PCED1B: variants seen among roughly 807,000 people sequenced by gnomAD.
The protein encoded by PCED1B is PC-esterase domain containing 1B.
For missense variants in PCED1B, 573 were observed against 573.9 expected, an observed-to-expected ratio of 1.00 and a Z score of 0.02; for synonymous variants, 251 against 246.1, an observed-to-expected ratio of 1.02 and a Z score of -0.19.
At chr12:47,211,047 G>A (rs1328683224) in intron 2 of PCED1B, among the ~76,000 whole-genome samples, 5 of 152,076 alleles carry the variant, frequency 3.3e-5, no homozygotes, top group African/African-American at 1.2e-4. Context: ...TACTTTTCAT[G>A]GCGCTATTTT....
intron 2 of PCED1B, among the ~76,000 whole-genome samples, chr12:47,107,650 G>T (rs549920756): frequency 6.6e-6 from 1 of 152,326 alleles, no homozygotes; most frequent in Non-Finnish European, 1.5e-5. Flanking sequence ...GGCAGACGGG[G>T]CTGGCAGTGA....
chr12:47,089,321 C>T (rs1395130789), intron 1 of PCED1B, among the ~76,000 whole-genome samples: 2 of 151,066 alleles, frequency 1.3e-5, no homozygotes, highest in Admixed American at 6.6e-5. Context: ...GTGACGGGCA[C>T]CTGTAGTCCC....
At chr12:47,111,334 G>A (rs1354230712) in intron 2 of PCED1B, among the ~76,000 whole-genome samples, 2 of 152,134 alleles carry the variant, frequency 1.3e-5, no homozygotes, top group Non-Finnish European at 2.9e-5. Context: ...ATGGGAGAAA[G>A]ATCACCATGG....
At chr12:47,114,138 C>T (rs948241355) in intron 2 of PCED1B, among the ~76,000 whole-genome samples, 7 of 152,110 alleles carry the variant, frequency 4.6e-5, no homozygotes, top group Non-Finnish European at 7.4e-5. Context: ...CACAGGAGCA[C>T]ACTTGTACAG....
At position 47,180,519 on chromosome 12, in the gene PCED1B, A is replaced by T. The variant is rs1942060128; in HGVS notation, c.-525-35703A>T. Among the ~76,000 whole-genome samples, 5 of 152,214 alleles carry T rather than the reference A, an allele frequency of 3.3e-5. No individual in the cohort carries two copies. In the South Asian group the frequency reaches 1.0e-3, roughly 32 times the overall value. ...TATAAAACCCAAAACTATAAAAACC[A>T]TTTGGGACATAGGCATGGGCAAAGA... is the stretch of plus-strand genomic sequence containing the variant. On this transcript the variant is annotated intron_variant, in intron 2 of 3. Coordinates refer to ENST00000546455, the MANE Select transcript of PCED1B (RefSeq NM_138371.3).
At chr12:47,189,120 C>A (rs991835710) in intron 2 of PCED1B, among the ~76,000 whole-genome samples, 6 of 151,994 alleles carry the variant, frequency 3.9e-5, no homozygotes, top group Non-Finnish European at 8.8e-5. Flanking sequence ...TGTTTTTTAT[C>A]TTCTTTTTCT....
chr12:47,137,911 T>C (rs1162220791), intron 2 of PCED1B, among the ~76,000 whole-genome samples: 1 of 152,222 alleles, frequency 6.6e-6, no homozygotes, highest in Admixed American at 6.5e-5. Context: ...TTTGAAACTT[T>C]ATTCAGAATA....
intron 2 of PCED1B, among the ~76,000 whole-genome samples, chr12:47,176,371 A>T (rs528538780): frequency 1.3e-5 from 2 of 152,164 alleles, no homozygotes; most frequent in South Asian, 2.1e-4. Flanking sequence ...TCATGAGGCA[A>T]CCCTCAGTAG....
intron 2 of PCED1B, among the ~76,000 whole-genome samples, chr12:47,175,832 A>G (rs986707246): frequency 1.3e-5 from 2 of 151,970 alleles, no homozygotes; most frequent in African/African-American, 4.8e-5. Context: ...TCAGCCTCCC[A>G]AAGTCCTGGG....
chr12:47,130,002 A>T (rs2137349729), intron 2 of PCED1B, among the ~76,000 whole-genome samples: 1 of 152,286 alleles, frequency 6.6e-6, no homozygotes, highest in Non-Finnish European at 1.5e-5. Context: ...TAAGACTCTG[A>T]CTTCCTTGTT....
intron 1 of PCED1B, among the ~76,000 whole-genome samples, chr12:47,096,418 C>T (rs970042848): frequency 1.3e-5 from 2 of 149,890 alleles, no homozygotes; most frequent in Non-Finnish European, 3.0e-5. Context: ...ATATATAATA[C>T]ACATTATATA....
At chr12:47,195,269 C>T (rs1942568701) in intron 2 of PCED1B, among the ~76,000 whole-genome samples, 1 of 150,264 alleles carries the variant, frequency 6.7e-6, no homozygotes, top group South Asian at 2.1e-4. Context: ...GCGGAGGTTG[C>T]AGTGAGCCGA....
chr12:47,130,505 C>G (rs1358462553), intron 2 of PCED1B, among the ~76,000 whole-genome samples: 1 of 152,028 alleles, frequency 6.6e-6, no homozygotes, highest in African/African-American at 2.4e-5. Flanking sequence ...AGTGAAATCC[C>G]ATCCCTACAA....
chr12:47,175,802 C>A (rs1265611493), intron 2 of PCED1B, among the ~76,000 whole-genome samples: 2 of 152,068 alleles, frequency 1.3e-5, no homozygotes, highest in Middle Eastern at 3.4e-3. Context: ...GAACTCCTGA[C>A]CTCAGGTGAT....
intron 2 of PCED1B, among the ~76,000 whole-genome samples, chr12:47,211,569 G>C (rs1943080337): frequency 6.8e-6 from 1 of 147,438 alleles, no homozygotes; most frequent in African/African-American, 2.5e-5. Context: ...CAGGAGAACT[G>C]CTTGAACCTG....
At chr12:47,195,608 G>C (rs1189663388) in intron 2 of PCED1B, among the ~76,000 whole-genome samples, 4 of 152,218 alleles carry the variant, frequency 2.6e-5, no homozygotes, top group East Asian at 1.9e-4. Flanking sequence ...TATTAAGGAA[G>C]GTATAGCCCC....
At chr12:47,217,506 A>AAGAC (rs1383686906) in intron 3 of PCED1B, among the ~76,000 whole-genome samples, 1 of 139,886 alleles carries the variant, frequency 7.1e-6, no homozygotes, top group African/African-American at 3.1e-5. Context: ...GAAAGAAAGA[A>AAGAC]AGAAAGAAAG....
intron 2 of PCED1B, among the ~76,000 whole-genome samples, chr12:47,151,738 A>T (rs939637759): frequency 6.6e-6 from 1 of 152,328 alleles, no homozygotes; most frequent in East Asian, 1.9e-4. Flanking sequence ...GAGGACCATC[A>T]CATAGAGAGA....
chr12:47,149,464 T>C (rs1940910516), intron 2 of PCED1B, among the ~76,000 whole-genome samples: 1 of 152,230 alleles, frequency 6.6e-6, no homozygotes, highest in Non-Finnish European at 1.5e-5. Flanking sequence ...TTGAGATAAC[T>C]GTCTTTTTCA....
Sources: gnomAD v4.1 joint callset for allele counts (sites outside exome capture counted in the v4.1 genomes callset) on GRCh38, gnomAD v4.1.1 for gene constraint, MANE v1.5 for transcripts, NCBI Gene and HGNC (gene_info 2026-07-23, HGNC 2026-07-21) for gene names.